STRN: variants seen among roughly 807,000 people sequenced by gnomAD.
STRN encodes the protein striatin.
STRN carries 53 observed loss-of-function variants against 96.3 expected under a neutral mutation model. The ratio of observed to expected loss-of-function variants is 0.55; its 90% CI spans 0.44 to 0.69. The LOEUF (loss-of-function observed/expected upper bound fraction) is 0.69. Ranked by LOEUF, STRN falls within the 30% of genes least tolerant of loss-of-function variation. The pLI is 0.00. For synonymous variants in STRN, 428 were observed against 355.9 expected, an observed-to-expected ratio of 1.20 and a Z score of -2.28; for missense variants, 987 against 963.9, an observed-to-expected ratio of 1.02 and a Z score of -0.32.
intron 2 of STRN, among the ~76,000 whole-genome samples, chr2:36,923,134 C>T (rs1416300601): frequency 1.4e-5 from 2 of 145,864 alleles, no homozygotes; most frequent in African/African-American, 2.5e-5. Context: ...GAGCAAAACT[C>T]CGTCTGAAAA....
chr2:36,878,838 C>T (rs1190571177), intron 9 of STRN, among the ~76,000 whole-genome samples: 3 of 151,298 alleles, frequency 2.0e-5, no homozygotes, highest in African/African-American at 7.3e-5. Flanking sequence ...CTGCAACCTC[C>T]ACCTCCTGGG....
At chr2:36,933,565 G>A (rs949918059) in intron 1 of STRN, among the ~76,000 whole-genome samples, 3 of 152,224 alleles carry the variant, frequency 2.0e-5, no homozygotes, top group African/African-American at 7.2e-5. Context: ...AGGCAATGGA[G>A]AAGCTAGAGG....
intron 13 of STRN, among the ~76,000 whole-genome samples, chr2:36,859,582 T>G (rs1184781873): frequency 1.3e-5 from 2 of 152,208 alleles, no homozygotes; most frequent in Admixed American, 1.3e-4. Flanking sequence ...ATCTGAAGCT[T>G]AAAGATGTAT....
chr2:36,943,975 C>T (rs559303306), intron 1 of STRN, among the ~76,000 whole-genome samples: 1 of 152,058 alleles, frequency 6.6e-6, no homozygotes, highest in Non-Finnish European at 1.5e-5. Context: ...ACAAAATTAG[C>T]TGGACGTGGT....
At chr2:36,895,669 T>C (rs1359136129) in intron 6 of STRN, among the ~76,000 whole-genome samples, 1 of 150,810 alleles carries the variant, frequency 6.6e-6, no homozygotes, top group African/African-American at 2.4e-5. Context: ...CCCAGCACTT[T>C]GGGAGGCCGA....
intron 1 of STRN, among the ~76,000 whole-genome samples, chr2:36,962,666 G>A (rs1158197185): frequency 2.6e-5 from 4 of 152,000 alleles, no homozygotes; most frequent in African/African-American, 9.6e-5. Context: ...ACACCACCAT[G>A]CTCAGCTAAT....
chr2:36,872,389 T>C (rs1280946199), intron 10 of STRN, among the ~76,000 whole-genome samples: 2 of 152,140 alleles, frequency 1.3e-5, no homozygotes, highest in African/African-American at 4.8e-5. Context: ...TGAAAGCAGA[T>C]CCACCCTACA....
At position 36,961,943 on chromosome 2, in the gene STRN, T is replaced by C. The variant is rs143472155; in HGVS notation, c.234+4287A>G. On this transcript the variant is annotated intron_variant, in intron 1 of 17. Transcript: ENST00000263918. The stretch of plus-strand genomic sequence containing the variant: ...TCCTTCTGTGTAGAAAGCTCTTTCC[T>C]CACCTTAGAGATCACCTTTTCAGGT... 3.0e-4 allele frequency among the ~76,000 whole-genome samples: 46 copies of C among 152,316 alleles called. 1 individual carries two copies. The highest frequency in any genetic ancestry group is 1.1e-3 in the African/African-American group (46 of 41,574).
At chr2:36,850,546 T>TA (rs1258514852) in intron 16 of STRN, among the ~76,000 whole-genome samples, 2 of 152,126 alleles carry the variant, frequency 1.3e-5, no homozygotes, top group South Asian at 2.1e-4. Context: ...TCCGCAACAC[T>TA]AAAAAAGGCT....
Position 36,839,332 on chromosome 2 carries a change from C to T in STRN, c.*10124G>A, listed in dbSNP as rs1265108392. 6.6e-6 allele frequency among the ~76,000 whole-genome samples: 1 copy of T among 152,102 alleles called. No homozygotes were observed. The highest frequency in any genetic ancestry group is 1.5e-5 in the Non-Finnish European group (1 of 68,016). On this transcript the variant is annotated 3_prime_UTR_variant, in exon 18 of 18. Transcript: ENST00000263918. ...CTGCATCAGGTGAAGTTTTTGTTTACTGCTGACTGCCAGCAACTAGAACTG... is the reference window on the plus strand; with the variant it reads ...CTGCATCAGGTGAAGTTTTTGTTTATTGCTGACTGCCAGCAACTAGAACTG...
chr2:36,932,559 A>G (rs1477565420), intron 1 of STRN, among the ~76,000 whole-genome samples: 2 of 152,318 alleles, frequency 1.3e-5, no homozygotes, highest in Non-Finnish European at 2.9e-5. Context: ...TCAAAAAAAG[A>G]TAAGATGTGA....
chr2:36,878,961 C>G (rs557138042), intron 9 of STRN, among the ~76,000 whole-genome samples: 1 of 152,018 alleles, frequency 6.6e-6, no homozygotes, highest in African/African-American at 2.4e-5. Flanking sequence ...CCATGTTGGC[C>G]AGGCTGGTCG....
chr2:36,873,640 A>G (rs905870830), intron 10 of STRN, among the ~76,000 whole-genome samples: 5 of 152,122 alleles, frequency 3.3e-5, no homozygotes, highest in Admixed American at 2.6e-4. Flanking sequence ...AGAAATCTGT[A>G]AACAATCTAA....
rs1051618241 is a variant in STRN, at chr2:36,847,077, G to C, written c.*2379C>G. On this transcript the variant is annotated 3_prime_UTR_variant, in exon 18 of 18. Coordinates refer to ENST00000263918, the MANE Select transcript of STRN (RefSeq NM_003162.4). ...GAAGACAGCTTTGGCTCATTTCTAG[G>C]CTGAGATCATGCAGTGCTGGTAGAG... is the stretch of plus-strand genomic sequence containing the variant. The C allele has an allele frequency of 6.6e-6, 1 of 152,096 alleles. No homozygotes were observed. The highest frequency in any genetic ancestry group is 1.5e-5 in the Non-Finnish European group (1 of 68,024). The allele number at this position is 152,096 out of a possible 1,614,324, so 9.4% of individuals were successfully genotyped here. A position where few individuals can be genotyped will look rare whatever the true frequency, so the allele number is the denominator to read the frequency against.
intron 11 of STRN, among the ~76,000 whole-genome samples, 191 bp from the exon 12 acceptor site, chr2:36,868,052 T>A (rs1237512366): frequency 2.6e-5 from 4 of 152,234 alleles, no homozygotes; most frequent in African/African-American, 9.6e-5. Context: ...TCTTGTTTAG[T>A]AATAATATCA....
At chr2:36,928,793 A>G (rs1200650241) in intron 1 of STRN, among the ~76,000 whole-genome samples, 1 of 151,348 alleles carries the variant, frequency 6.6e-6, no homozygotes, top group Non-Finnish European at 1.5e-5. Context: ...AAATACAAAA[A>G]AAAAAATTAG....
At chr2:36,908,040 T>C (rs1044756867) in intron 3 of STRN, among the ~76,000 whole-genome samples, 1 of 152,060 alleles carries the variant, frequency 6.6e-6, no homozygotes, top group Non-Finnish European at 1.5e-5. Flanking sequence ...GCCCCCAAAC[T>C]AAGGGAAAAC....
chr2:36,861,202 A>G lies in STRN; in HGVS notation c.1599T>C (p.Ser533=). Residue 533 remains serine, a synonymous_variant, in exon 13 of 18, where the codon AGT becomes AGC. Coordinates refer to ENST00000263918, the MANE Select transcript of STRN (RefSeq NM_003162.4). ...CCTGGATCAGTCCATCAGTACCACC[A>G]CTGTAACACTGCTCACCATTGCTGC... ...VMSSNGEQCY[S]GGTDGLIQGW... 6.8e-6 allele frequency: 11 copies of G among 1,614,142 alleles called. No individual in the cohort carries two copies. Among genetic ancestry groups the G allele is most frequent in the Non-Finnish European group, 9.3e-6 (11 of 1,179,988 alleles).
chr2:36,886,598 A>G, intron 8 of STRN, 118 bp downstream of exon 8: 1 of 726,252 alleles, frequency 1.4e-6, no homozygotes, highest in Non-Finnish European at 2.2e-6. Flanking sequence ...TGAAAAGGAA[A>G]GAGGTCAGGA....
Sources: allele counts gnomAD v4.1 joint callset (sites outside exome capture counted in the v4.1 genomes callset), GRCh38; gene constraint gnomAD v4.1.1; transcripts MANE v1.5; gene names NCBI Gene and HGNC (gene_info 2026-07-23, HGNC 2026-07-21).